INSR: variants seen among roughly 807,000 people sequenced by gnomAD.
INSR encodes the protein IR.
In INSR, 67 loss-of-function variants were observed where a neutral mutation model predicts 142.6. The ratio of observed to expected loss-of-function variants is 0.47; its 90% CI spans 0.39 to 0.58. INSR has a LOEUF of 0.58. Ranked by LOEUF, INSR falls within the 20% of genes least tolerant of loss-of-function variation. The pLI, the probability that INSR is intolerant of heterozygous loss-of-function variation, is 0.00. For missense variants in INSR, 1,248 were observed against 1,833.2 expected (o/e 0.68, Z 5.83); for synonymous variants, 756 against 743.1 (o/e 1.02, Z -0.28).
At chr19:7,143,370 A>G (rs1973119829) in intron 11 of INSR, among the ~76,000 whole-genome samples, 1 of 152,126 alleles carries the variant, frequency 6.6e-6, no homozygotes, top group African/African-American at 2.4e-5. Flanking sequence ...ATTCCCCTCG[A>G]CATGCTCGAT....
At chr19:7,162,091 C>T (rs1973764977) in intron 9 of INSR, among the ~76,000 whole-genome samples, 1 of 151,820 alleles carries the variant, frequency 6.6e-6, no homozygotes, top group South Asian at 2.1e-4. Flanking sequence ...CTTTGGGAGG[C>T]CGAGGCGGGT....
At position 7,252,164 on chromosome 19, in the gene INSR, C is replaced by T. The variant is rs185361660; in HGVS notation, c.652+15181G>A. ...GTGGCGCACGCCTGTAATCCCAGCA[C>T]TTTGGGAGGTCGAGGTGGGTGGATC... On this transcript the variant is annotated intron_variant, in intron 2 of 21. Coordinates refer to ENST00000302850, the MANE Select transcript of INSR (RefSeq NM_000208.4). Among the ~76,000 whole-genome samples the T allele has an allele frequency of 1.5e-3, 225 of 152,172 alleles. 2 individuals are homozygous for T. The highest frequency in any genetic ancestry group is 5.3e-3 in the African/African-American group (219 of 41,480).
intron 1 of INSR, among the ~76,000 whole-genome samples, chr19:7,281,202 C>A (rs1323878533): frequency 6.6e-6 from 1 of 152,148 alleles, no homozygotes; most frequent in African/African-American, 2.4e-5. Context: ...ACCAGAAAGT[C>A]ACTTTGTAAC....
chr19:7,197,306 C>T (rs1374549586), intron 2 of INSR, among the ~76,000 whole-genome samples: 2 of 150,444 alleles, frequency 1.3e-5, no homozygotes, highest in African/African-American at 2.4e-5. Context: ...CCGCAGGCTT[C>T]TTCTCTTCGG....
Position 7,174,679 on chromosome 19 carries a change from C to T in INSR, c.1027G>A (p.Glu343Lys). 6.2e-7 allele frequency: 1 copy of T among 1,613,648 alleles called. No homozygotes were observed. Among genetic ancestry groups the T allele is most frequent in the Non-Finnish European group, 8.5e-7 (1 of 1,179,840 alleles). The change falls in exon 4 of 22, where the codon GAA becomes AAA. Residue 343 changes from glutamate to lysine, a missense_variant. Around this residue, in one of 3 missense-constraint regions of INSR, gnomAD observed 1,069 missense variants for 1,654.0 expected, o/e 0.65. Transcript: ENST00000302850. ...GPCPKVCHLL[E>K]GEKTIDSVTS... is the part of the protein sequence containing the mutation. ...ACCGAGTCGATGGTCTTCTCGCCTT[C>T]TAGGAGGTGGCACACCTTGGGACAG... is the stretch of plus-strand genomic sequence containing the variant.
At chr19:7,230,813 A>T (rs1190617226) in intron 2 of INSR, among the ~76,000 whole-genome samples, 2 of 151,606 alleles carry the variant, frequency 1.3e-5, no homozygotes, top group Admixed American at 6.6e-5. Context: ...CTCAAAAATA[A>T]AAAAAAAATA....
intron 2 of INSR, among the ~76,000 whole-genome samples, chr19:7,229,564 C>CT (rs1975903350): frequency 6.6e-6 from 1 of 152,156 alleles, no homozygotes; most frequent in Non-Finnish European, 1.5e-5. Context: ...GGTGCTCCTT[C>CT]TCTCCATCAA....
At chr19:7,146,603 T>TGGG (rs1461709063) in intron 11 of INSR, among the ~76,000 whole-genome samples, 1 of 152,190 alleles carries the variant, frequency 6.6e-6, no homozygotes, top group African/African-American at 2.4e-5. Flanking sequence ...GGATAACTTT[T>TGGG]ATAGATTTCT....
At chr19:7,188,548 C>CA (rs150147242) in intron 2 of INSR, among the ~76,000 whole-genome samples, 1,711 of 121,498 alleles carry the variant, frequency 0.014, 20 homozygotes, top group Middle Eastern at 0.068. Context: ...AGACTCCGTC[C>CA]AAAAAAAAAA....
At chr19:7,248,304 C>T (rs548808863) in intron 2 of INSR, among the ~76,000 whole-genome samples, 3 of 148,862 alleles carry the variant, frequency 2.0e-5, no homozygotes, top group East Asian at 4.1e-4. Context: ...CACCACCGCG[C>T]CTGGCTAATT....
At chr19:7,201,547 C>A (rs374290040) in intron 2 of INSR, among the ~76,000 whole-genome samples, 5 of 151,348 alleles carry the variant, frequency 3.3e-5, no homozygotes, top group African/African-American at 1.2e-4. Flanking sequence ...ATCGCTTGAA[C>A]CCTGGAGGCA....
chr19:7,270,771 C>T (rs940478632), intron 1 of INSR, among the ~76,000 whole-genome samples: 1 of 149,372 alleles, frequency 6.7e-6, no homozygotes, highest in Admixed American at 6.7e-5. Context: ...TAAAAAAACA[C>T]AACGGCTGGG....
At chr19:7,273,327 A>G (rs1039258702) in intron 1 of INSR, among the ~76,000 whole-genome samples, 3 of 152,168 alleles carry the variant, frequency 2.0e-5, no homozygotes, top group Middle Eastern at 3.2e-3. Context: ...GAAAATACCC[A>G]GAGGATGTTA....
intron 15 of INSR, among the ~76,000 whole-genome samples, chr19:7,127,774 C>T (rs1168485101): frequency 2.0e-5 from 3 of 152,126 alleles, no homozygotes; most frequent in Admixed American, 2.0e-4. Context: ...GACAAAGTCT[C>T]ACTCTGTTGC....
chr19:7,264,178 A>G (rs1600107874), intron 2 of INSR, among the ~76,000 whole-genome samples: 1 of 151,962 alleles, frequency 6.6e-6, no homozygotes, highest in Admixed American at 6.6e-5. Flanking sequence ...TCAAAAAAAA[A>G]AAAAAAAAAG....
intron 2 of INSR, among the ~76,000 whole-genome samples, chr19:7,189,507 T>A (rs1278234803): frequency 6.6e-6 from 1 of 152,154 alleles, no homozygotes; most frequent in Admixed American, 6.5e-5. Flanking sequence ...TTGAAACTAC[T>A]CAACTCTGCC....
In INSR at chr19:7,114,490, C is replaced by T. The variant is rs1039625773; in HGVS notation, c.*2566G>A. ...AGCCAGGAAGAAAAGGATCTATGCT[C>T]GCATAAAGGCCATACCTTCTCCATC... On this transcript the variant is annotated 3_prime_UTR_variant, in exon 22 of 22. Coordinates refer to ENST00000302850, the MANE Select transcript of INSR (RefSeq NM_000208.4). The T allele has an allele frequency of 5.9e-5, 9 of 152,282 alleles. No individual in the cohort carries two copies. The highest frequency in any genetic ancestry group is 2.2e-4 in the African/African-American group (9 of 41,392). 9.4% of individuals were successfully genotyped at this position (152,282 alleles called of 1,614,324 possible).
chr19:7,251,322 T>C (rs777122738), intron 2 of INSR, among the ~76,000 whole-genome samples: 3 of 152,194 alleles, frequency 2.0e-5, no homozygotes, highest in Non-Finnish European at 2.9e-5. Context: ...CAATATGCAA[T>C]CTCGGCTCAT....
At chr19:7,153,337 C>CATA (rs1568449880) in intron 9 of INSR, among the ~76,000 whole-genome samples, 43 of 86,764 alleles carry the variant, frequency 5.0e-4, no homozygotes, top group Middle Eastern at 5.6e-3. Flanking sequence ...CACACCCACG[C>CATA]CACACACCAC....
Sources: gnomAD v4.1 joint callset for allele counts (sites outside exome capture counted in the v4.1 genomes callset) on GRCh38, gnomAD v4.1.1 for gene constraint, gnomAD v4.1.1 regional missense constraint, MANE v1.5 for transcripts, NCBI Gene and HGNC (gene_info 2026-07-23, HGNC 2026-07-21) for gene names.